The following ATRNL1 variants were observed in gnomAD, a reference collection of about 807,000 sequenced individuals.
The protein encoded by ATRNL1 is attractin like 1.
Under a neutral mutation model 182.7 loss-of-function variants are expected in ATRNL1, and 95 were observed. The ratio of observed to expected loss-of-function variants is 0.52; its 90% CI spans 0.44 to 0.62. The LOEUF is 0.62. Ranked by LOEUF, ATRNL1 falls within the 20% of genes least tolerant of loss-of-function variation. The probability of loss-of-function intolerance (pLI) is 0.00; values close to 1 mark genes in which losing one functional copy is unlikely to be tolerated. For synonymous variants in ATRNL1, 576 were observed against 568.3 expected (o/e 1.01, Z -0.19); for missense variants, 1,471 against 1,679.5 (o/e 0.88, Z 2.17).
At chr10:115,931,060 G>C (rs1953379932) in intron 28 of ATRNL1, among the ~76,000 whole-genome samples, 1 of 152,080 alleles carries the variant, frequency 6.6e-6, no homozygotes, top group African/African-American at 2.4e-5. Flanking sequence ...TAAAAACATA[G>C]TCTTACAGCC....
chr10:115,605,347 A>C (rs1243092744), intron 26 of ATRNL1, among the ~76,000 whole-genome samples: 1 of 152,110 alleles, frequency 6.6e-6, no homozygotes, highest in African/African-American at 2.4e-5. Flanking sequence ...ATAATATACT[A>C]GATCTTGATG....
chr10:115,099,196 C>G (rs1179485900), intron 1 of ATRNL1, among the ~76,000 whole-genome samples: 1 of 152,206 alleles, frequency 6.6e-6, no homozygotes, highest in Admixed American at 6.5e-5. Flanking sequence ...ACATTATATA[C>G]TTCTTTTTTG....
At chr10:115,307,217 G>A (rs1340752338) in intron 17 of ATRNL1, among the ~76,000 whole-genome samples, 3 of 152,072 alleles carry the variant, frequency 2.0e-5, no homozygotes, top group Non-Finnish European at 2.9e-5. Flanking sequence ...TGCTGATAAT[G>A]TCCAATACTA....
rs534714281 is a variant in ATRNL1 at position 115,448,854 on chromosome 10, C to A, written c.3323-13087C>A. Among the ~76,000 whole-genome samples, 1,006 of 150,216 alleles carry A rather than the reference C, an allele frequency of 6.7e-3. 8 individuals are homozygous for A. The highest frequency in any genetic ancestry group is 0.011 in the Non-Finnish European group (754 of 67,540). On this transcript the variant is annotated intron_variant, in intron 21 of 28. Coordinates refer to ENST00000355044, the MANE Select transcript of ATRNL1 (RefSeq NM_207303.4). ...TTGCTCCAATGTAATAGCGTGCCAACCAACAACAACAACAACAACAACAAC... is the reference window on the plus strand; with the variant it reads ...TTGCTCCAATGTAATAGCGTGCCAAACAACAACAACAACAACAACAACAAC...
At chr10:115,421,550 T>C (rs1845652585) in intron 20 of ATRNL1, among the ~76,000 whole-genome samples, 1 of 152,160 alleles carries the variant, frequency 6.6e-6, no homozygotes, top group Non-Finnish European at 1.5e-5. Flanking sequence ...CACCTCAACA[T>C]ATGTGCACAT....
chr10:115,377,473 G>A (rs1857740478), intron 19 of ATRNL1, among the ~76,000 whole-genome samples: 1 of 152,134 alleles, frequency 6.6e-6, no homozygotes. Context: ...GACTAATACG[G>A]TTGTCTATCT....
At chr10:115,710,485 A>G (rs998149908) in intron 26 of ATRNL1, among the ~76,000 whole-genome samples, 4 of 152,146 alleles carry the variant, frequency 2.6e-5, no homozygotes, top group African/African-American at 9.6e-5. Context: ...GAATCAAGAT[A>G]GAGTAATTAT....
chr10:115,788,228 C>T (rs1427469023), intron 27 of ATRNL1, among the ~76,000 whole-genome samples: 3 of 152,192 alleles, frequency 2.0e-5, no homozygotes, highest in African/African-American at 7.2e-5. Context: ...TCCACTTTGT[C>T]CTTAACTGAA....
chr10:115,661,775 A>T lies in ATRNL1; in HGVS notation c.3796-65473A>T, dbSNP rs551462819. On this transcript the variant is annotated intron_variant, in intron 26 of 28. Transcript: ENST00000355044. ...TTGGCTGTGACTCAATTAAAATTGCATTTTTTTTATTATACTTTAAGTTTT... is the reference window on the plus strand; with the variant it reads ...TTGGCTGTGACTCAATTAAAATTGCTTTTTTTTTATTATACTTTAAGTTTT... Among the ~76,000 whole-genome samples the T allele has an allele frequency of 5.3e-5, 8 of 151,784 alleles. No individual in the cohort carries two copies. The South Asian group carries it at 8.3e-4, about 16-fold the overall frequency.
At chr10:115,263,830 A>G (rs1389684500) in intron 10 of ATRNL1, among the ~76,000 whole-genome samples, 1 of 151,698 alleles carries the variant, frequency 6.6e-6, no homozygotes, top group East Asian at 1.9e-4. Flanking sequence ...ACTCTTGAGG[A>G]TCTTAATAGG....
At chr10:115,241,008 A>G (rs1850398050) in intron 9 of ATRNL1, among the ~76,000 whole-genome samples, 1 of 152,070 alleles carries the variant, frequency 6.6e-6, no homozygotes, top group Non-Finnish European at 1.5e-5. Flanking sequence ...TTATGCTGTT[A>G]GAATAGTGGT....
Position 115,093,863 on chromosome 10 carries a change from A to C in ATRNL1, c.113A>C (p.Asp38Ala), listed in dbSNP as rs782142614. ...GGGGGCGCCTCCTCCTGGCTGCTGGACGGGAACAGCTGGCTGCTGTGCTAT... is the reference window on the plus strand; with the variant it reads ...GGGGGCGCCTCCTCCTGGCTGCTGGCCGGGAACAGCTGGCTGCTGTGCTAT... ...GGGGASSWLL[D>A]GNSWLLCYGF... Residue 38 changes from aspartate (D) to alanine (A), a missense_variant, in exon 1 of 29, where the codon GAC becomes GCC. Physicochemically the swap from Asp to Ala is moderately radical, Grantham distance 126. Transcript: ENST00000355044. The surrounding 1 kb of genome is among the most constrained non-coding windows in gnomAD (Gnocchi z 6.1). 9 of 1,570,718 alleles carry C rather than the reference A, an allele frequency of 5.7e-6. No individual in the cohort carries two copies. The Admixed American group carries it at 7.3e-5, about 13-fold the overall frequency.
At chr10:115,319,827 G>T (rs1854495065) in intron 18 of ATRNL1, among the ~76,000 whole-genome samples, 1 of 151,600 alleles carries the variant, frequency 6.6e-6, no homozygotes, top group Admixed American at 6.6e-5. Flanking sequence ...CACACTGATT[G>T]GTCTTGACTC....
At chr10:115,094,076 C>T (rs1180614063) in intron 1 of ATRNL1, 33 bp downstream of exon 1, 42 of 1,371,086 alleles carry the variant, frequency 3.1e-5, no homozygotes, top group Non-Finnish European at 3.7e-5. Context: ...GAACCTCCAG[C>T]CCTGCCTCGC....
At chr10:115,164,348 T>C (rs1344152852) in intron 6 of ATRNL1, among the ~76,000 whole-genome samples, 1 of 152,184 alleles carries the variant, frequency 6.6e-6, no homozygotes, top group African/African-American at 2.4e-5. Flanking sequence ...TAAATGCTTA[T>C]TGGTTAATTT....
intron 7 of ATRNL1, among the ~76,000 whole-genome samples, 189 bp from the exon 8 acceptor site, chr10:115,170,846 CCT>C (rs1238052587): frequency 2.0e-5 from 3 of 151,842 alleles, no homozygotes; most frequent in Admixed American, 6.6e-5. Flanking sequence ...TGTTTCCCCC[CCT>C]TTTTGTATAT....
chr10:115,423,134 T>G (rs1228026654), intron 20 of ATRNL1, among the ~76,000 whole-genome samples: 1 of 152,202 alleles, frequency 6.6e-6, no homozygotes, highest in African/African-American at 2.4e-5. Flanking sequence ...CGTGAGGTGA[T>G]GGATGTCCTT....
At chr10:115,900,927 A>T (rs1555113434) in intron 28 of ATRNL1, among the ~76,000 whole-genome samples, 1 of 152,230 alleles carries the variant, frequency 6.6e-6, no homozygotes, top group African/African-American at 2.4e-5. Flanking sequence ...ATAGTAGTCA[A>T]TTTCACTAGT....
intron 8 of ATRNL1, among the ~76,000 whole-genome samples, chr10:115,176,403 T>A (rs1295923451): frequency 6.6e-6 from 1 of 152,080 alleles, no homozygotes; most frequent in Non-Finnish European, 1.5e-5. Context: ...GTGAATTGTT[T>A]TGGCTGCATG....
Sources: allele counts gnomAD v4.1 joint callset (sites outside exome capture counted in the v4.1 genomes callset), GRCh38; gene constraint gnomAD v4.1.1; non-coding constraint Gnocchi (gnomAD v3.1); transcripts MANE v1.5; gene names NCBI Gene and HGNC (gene_info 2026-07-23, HGNC 2026-07-21).